Variants in CASK observed in about 807,000 individuals in gnomAD.
CASK encodes calcium/calmodulin dependent serine protein kinase, also known as peripheral plasma membrane protein CASK.
Under a neutral mutation model 82.9 loss-of-function variants are expected in CASK, and 4 were observed. The observed-to-expected ratio is 0.05, with a 90% CI of 0.02 to 0.11. The LOEUF (loss-of-function observed/expected upper bound fraction) is 0.11. CASK is among the 10% of genes least tolerant of loss of function. The pLI is 1.00. For synonymous variants in CASK, 259 were observed against 253.5 expected (o/e 1.02, Z -0.20); for missense variants, 358 against 720.9 (o/e 0.50, Z 5.76).
chrX:41,755,302 G>A (rs2068872766), intron 3 of CASK, among the ~76,000 whole-genome samples: 1 of 112,013 alleles, frequency 8.9e-6, no homozygotes, highest in South Asian at 3.7e-4. Flanking sequence ...GACAGTATGA[G>A]ACAATTAAAA....
intron 25 of CASK, among the ~76,000 whole-genome samples, chrX:41,528,762 C>T (rs1388201590): frequency 8.9e-6 from 1 of 111,820 alleles, no homozygotes; most frequent in Non-Finnish European, 1.9e-5. Context: ...AAGGAGAGAG[C>T]CTCCCTGGAG....
intron 14 of CASK, among the ~76,000 whole-genome samples, chrX:41,579,091 C>A (rs1254781693): frequency 8.1e-5 from 9 of 111,349 alleles, no homozygotes; most frequent in Non-Finnish European, 1.5e-4. Context: ...TGTGCTGGGG[C>A]TTAGAATTGA....
chrX:41,892,241 T>G (rs2148048673), intron 1 of CASK, among the ~76,000 whole-genome samples: 1 of 108,947 alleles, frequency 9.2e-6, no homozygotes, highest in Admixed American at 9.8e-5. Flanking sequence ...TTTTTTTTTT[T>G]GGCCAATAAG....
intron 8 of CASK, among the ~76,000 whole-genome samples, chrX:41,648,825 G>A (rs1266656159): frequency 9.0e-6 from 1 of 111,554 alleles, no homozygotes; most frequent in Non-Finnish European, 1.9e-5. Flanking sequence ...GTTTCAGAAG[G>A]AATGGTACCA....
intron 5 of CASK, among the ~76,000 whole-genome samples, chrX:41,684,320 T>C (rs1408036214): frequency 9.0e-6 from 1 of 111,720 alleles, no homozygotes; most frequent in East Asian, 2.8e-4. Context: ...TATGATGCAT[T>C]GAGAACTTGG....
At chrX:41,780,392 T>G (rs891327276) in intron 3 of CASK, among the ~76,000 whole-genome samples, 1 of 111,661 alleles carries the variant, frequency 9.0e-6, no homozygotes, top group Non-Finnish European at 1.9e-5. Flanking sequence ...TTATGTTGTA[T>G]TACCCCCATT....
At chrX:41,605,059 T>G (rs897485430) in intron 12 of CASK, among the ~76,000 whole-genome samples, 3 of 111,334 alleles carry the variant, frequency 2.7e-5, no homozygotes, top group Non-Finnish European at 5.6e-5. Context: ...TTTAAGAACA[T>G]GACTAGAAAA....
intron 16 of CASK, among the ~76,000 whole-genome samples, chrX:41,563,124 G>T (rs1370365176): frequency 9.5e-6 from 1 of 104,847 alleles, no homozygotes; most frequent in Non-Finnish European, 1.9e-5. Context: ...GTTTTCGGAG[G>T]CTGAGTGAGG....
chrX:41,515,345 C>G lies in CASK; in HGVS notation c.*5075G>C, dbSNP rs936077751. The G allele has an allele frequency of 5.3e-5, 6 of 112,654 alleles. No homozygotes were observed. Among genetic ancestry groups the G allele is most frequent in the African/African-American group, 1.9e-4 (6 of 31,046 alleles). 9.3% of individuals were successfully genotyped at this position (112,654 alleles called of 1,213,427 possible). A position where few individuals can be genotyped will look rare whatever the true frequency, so the allele number is the denominator to read the frequency against. Reference sequence around the variant, plus strand: ...CTCTGCTGTACCCTGCAAATACTTACAATTGGATACGGTGAAATATACAAC... The same window carrying G: ...CTCTGCTGTACCCTGCAAATACTTAGAATTGGATACGGTGAAATATACAAC... On this transcript the variant is annotated 3_prime_UTR_variant, in exon 27 of 27. Coordinates refer to ENST00000378163, the MANE Select transcript of CASK (RefSeq NM_001367721.1).
At chrX:41,769,203 T>C (rs2069170432) in intron 3 of CASK, among the ~76,000 whole-genome samples, 1 of 104,391 alleles carries the variant, frequency 9.6e-6, no homozygotes, top group Admixed American at 1.0e-4. Flanking sequence ...TTTTTCTTTT[T>C]TTTTTTTTTT....
chrX:41,885,389 ACAT>A (rs1010321451), intron 1 of CASK, among the ~76,000 whole-genome samples: 2 of 112,235 alleles, frequency 1.8e-5, no homozygotes, highest in Non-Finnish European at 3.8e-5. Flanking sequence ...AGATTTCTAC[ACAT>A]ATTAAGTAAC....
intron 1 of CASK, among the ~76,000 whole-genome samples, chrX:41,901,027 C>T (rs750391701): frequency 1.8e-5 from 2 of 111,602 alleles, no homozygotes; most frequent in South Asian, 3.7e-4. Flanking sequence ...ATTAGAGATG[C>T]GAGACACTGC....
At chrX:41,749,325 T>C (rs1356116153) in intron 3 of CASK, among the ~76,000 whole-genome samples, 4 of 104,900 alleles carry the variant, frequency 3.8e-5, no homozygotes, top group African/African-American at 1.4e-4. Flanking sequence ...TAAAATACTG[T>C]AGTAGCAGCT....
At chrX:41,711,627 C>T (rs1427519370) in intron 5 of CASK, among the ~76,000 whole-genome samples, 1 of 111,241 alleles carries the variant, frequency 9.0e-6, no homozygotes, top group Non-Finnish European at 1.9e-5. Flanking sequence ...GTTTGGTGTG[C>T]TTTCCTCTGA....
At chrX:41,527,243 CAGAG>C (rs958703156) in intron 25 of CASK, among the ~76,000 whole-genome samples, 7 of 105,766 alleles carry the variant, frequency 6.6e-5, no homozygotes, top group African/African-American at 2.1e-4. Context: ...GAGAGAGAGA[CAGAG>C]AGAGAGAGAG....
chrX:41,884,594 T>C (rs1458878760), intron 1 of CASK, among the ~76,000 whole-genome samples: 1 of 112,128 alleles, frequency 8.9e-6, no homozygotes, highest in Non-Finnish European at 1.9e-5. Flanking sequence ...TAAGTAAAAA[T>C]ACATTTCCTA....
At chrX:41,592,461 A>C (rs991524593) in intron 12 of CASK, among the ~76,000 whole-genome samples, 1 of 111,236 alleles carries the variant, frequency 9.0e-6, no homozygotes, top group African/African-American at 3.3e-5. Flanking sequence ...AAATAATCCC[A>C]CAACTCCCCA....
chrX:41,921,172 T>A (rs913565849), intron 1 of CASK, among the ~76,000 whole-genome samples: 1 of 112,421 alleles, frequency 8.9e-6, no homozygotes, highest in African/African-American at 3.2e-5. Context: ...ATTCGGTTAT[T>A]GGAAAACTTT....
intron 1 of CASK, among the ~76,000 whole-genome samples, chrX:41,921,391 T>A (rs1185115218): frequency 8.9e-6 from 1 of 112,282 alleles, no homozygotes; most frequent in Non-Finnish European, 1.9e-5. Flanking sequence ...TTTTTTCATA[T>A]TGATTACATG....
Sources: gnomAD v4.1 joint callset for allele counts (sites outside exome capture counted in the v4.1 genomes callset) on GRCh38, gnomAD v4.1.1 for gene constraint, MANE v1.5 for transcripts, NCBI Gene and HGNC (gene_info 2026-07-23, HGNC 2026-07-21) for gene names.